GLIPR1L2: variants seen among roughly 807,000 people sequenced by gnomAD.
GLIPR1L2 encodes the protein GLIPR1 like 2.
GLIPR1L2 carries 21 observed loss-of-function variants against 28.4 expected under a neutral mutation model. The observed-to-expected ratio is 0.74, with a 90% CI of 0.52 to 1.06. The LOEUF (loss-of-function observed/expected upper bound fraction) is 1.06, where lower values mean the gene tolerates loss of function less well. GLIPR1L2 is among the 50% of genes least tolerant of loss of function. The probability of loss-of-function intolerance (pLI) is 0.00; values close to 1 mark genes in which losing one functional copy is unlikely to be tolerated. For missense variants in GLIPR1L2, 476 were observed against 416.9 expected, an observed-to-expected ratio of 1.14 and a Z score of -1.23; for synonymous variants, 145 against 139.3, an observed-to-expected ratio of 1.04 and a Z score of -0.29.
At chr12:75,429,083 T>A (rs1407999873) in intron 4 of GLIPR1L2, among the ~76,000 whole-genome samples, 2 of 152,150 alleles carry the variant, frequency 1.3e-5, no homozygotes, top group Non-Finnish European at 2.9e-5. Flanking sequence ...ATAATAGAGC[T>A]GTGAGAAGAG....
chr12:75,429,938 C>CTTTTTTTT lies in GLIPR1L2; in HGVS notation c.671-768_671-761dup, dbSNP rs34354324. Among the ~76,000 whole-genome samples, 255 of 128,614 alleles carry CTTTTTTTT rather than the reference C, an allele frequency of 2.0e-3. 11 individuals carry two copies. Among genetic ancestry groups the CTTTTTTTT allele is most frequent in the Middle Eastern group, 4.0e-3 (1 of 248 alleles). 84.4% of individuals were successfully genotyped at this position (128,614 alleles called of 152,430 possible). On this transcript the variant is annotated intron_variant, in intron 4 of 5. Transcript: ENST00000550916. Reference sequence around the variant, plus strand: ...CCTTTTCTTTTCTTTTCTTTTCTTTCTTTTTTTTTTTTTTTTGAGACAGAG... The same window carrying CTTTTTTTT: ...CCTTTTCTTTTCTTTTCTTTTCTTTCTTTTTTTTTTTTTTTTTTTTTTTTGAGACAGAG...
intron 3 of GLIPR1L2, among the ~76,000 whole-genome samples, chr12:75,414,951 AT>A (rs2045909796): frequency 1.3e-5 from 2 of 152,104 alleles, no homozygotes; most frequent in African/African-American, 4.8e-5. Context: ...AGACAATAAA[AT>A]ATACTGTAAA....
chr12:75,405,578 C>CA (rs1384322037), intron 1 of GLIPR1L2, among the ~76,000 whole-genome samples: 1 of 152,046 alleles, frequency 6.6e-6, no homozygotes, highest in Non-Finnish European at 1.5e-5. Context: ...TACCTAATCA[C>CA]AAAAAACACT....
intron 2 of GLIPR1L2, among the ~76,000 whole-genome samples, chr12:75,410,945 C>A (rs1193604499): frequency 6.6e-6 from 1 of 151,704 alleles, no homozygotes; most frequent in Admixed American, 6.6e-5. Context: ...ATAATGTACA[C>A]TGGAAAAGGA....
intron 1 of GLIPR1L2, among the ~76,000 whole-genome samples, chr12:75,392,006 A>G (rs942486226): frequency 1.3e-5 from 2 of 151,850 alleles, no homozygotes; most frequent in Non-Finnish European, 2.9e-5. Flanking sequence ...TTTACACCCT[A>G]TAGTCATTTA....
chr12:75,402,982 T>G (rs760174844), intron 1 of GLIPR1L2: 2 of 456,836 alleles, frequency 4.4e-6, no homozygotes, highest in South Asian at 3.1e-5. Context: ...CTCCACTTTG[T>G]TAACAAGTGT....
intron 1 of GLIPR1L2, among the ~76,000 whole-genome samples, chr12:75,407,252 A>G (rs1187532937): frequency 6.6e-6 from 1 of 152,120 alleles, no homozygotes; most frequent in Non-Finnish European, 1.5e-5. Flanking sequence ...TAAAGCCTTC[A>G]TTACTGTGTT....
Position 75,431,351 on chromosome 12 carries a change from GAAAC to G in GLIPR1L2, c.*194_*197del. ...AATCAATTTAAATTTGTAAAACAAA[GAAAC>G]AAAAAACATGTAAGGTGGGCTCTTT... On this transcript the variant is annotated 3_prime_UTR_variant, in exon 6 of 6. Coordinates refer to ENST00000550916, the MANE Select transcript of GLIPR1L2 (RefSeq NM_001270396.2). 1 of 465,722 alleles carries G rather than the reference GAAAC, an allele frequency of 2.1e-6. No individual in the cohort carries two copies. Among genetic ancestry groups the G allele is most frequent in the African/African-American group, 2.0e-5 (1 of 50,130 alleles). 28.8% of individuals were successfully genotyped at this position (465,722 alleles called of 1,614,324 possible).
chr12:75,421,438 G>A (rs570296675), intron 3 of GLIPR1L2, among the ~76,000 whole-genome samples: 2 of 152,256 alleles, frequency 1.3e-5, no homozygotes, highest in South Asian at 2.1e-4. Flanking sequence ...TGATACTCAG[G>A]TTTTTGAATA....
intron 1 of GLIPR1L2, among the ~76,000 whole-genome samples, chr12:75,394,418 G>C (rs546630672): frequency 3.3e-5 from 5 of 152,128 alleles, no homozygotes; most frequent in South Asian, 2.1e-4. Context: ...TGTATATTGT[G>C]TAAGGTAAGG....
intron 1 of GLIPR1L2, among the ~76,000 whole-genome samples, chr12:75,401,917 A>G (rs1281022010): frequency 6.6e-6 from 1 of 152,156 alleles, no homozygotes; most frequent in African/African-American, 2.4e-5. Flanking sequence ...AAAAGAAACA[A>G]AGAATGAGAG....
chr12:75,405,335 A>G (rs1189743446), intron 1 of GLIPR1L2, among the ~76,000 whole-genome samples: 1 of 152,202 alleles, frequency 6.6e-6, no homozygotes, highest in Non-Finnish European at 1.5e-5. Flanking sequence ...CGTCATTACA[A>G]GACTGAACAG....
chr12:75,414,427 G>C (rs549153415), intron 3 of GLIPR1L2, among the ~76,000 whole-genome samples: 6 of 152,124 alleles, frequency 3.9e-5, no homozygotes, highest in African/African-American at 1.4e-4. Context: ...TACCAAGATT[G>C]AGAAGGAATT....
chr12:75,409,578 T>TATATATAC (rs561488674), intron 1 of GLIPR1L2, among the ~76,000 whole-genome samples: 1 of 147,032 alleles, frequency 6.8e-6, no homozygotes, highest in Non-Finnish European at 1.5e-5. Flanking sequence ...TATATATATA[T>TATATATAC]ACACACACAC....
At chr12:75,427,686 C>T (rs984512428) in intron 4 of GLIPR1L2, among the ~76,000 whole-genome samples, 3 of 152,122 alleles carry the variant, frequency 2.0e-5, no homozygotes, top group Non-Finnish European at 4.4e-5. Flanking sequence ...GTAATCCCCA[C>T]ATGTTGAGGG....
intron 4 of GLIPR1L2, among the ~76,000 whole-genome samples, chr12:75,425,755 A>G (rs1008374429): frequency 6.6e-6 from 1 of 152,198 alleles, no homozygotes; most frequent in Non-Finnish European, 1.5e-5. Flanking sequence ...GGGGCTAGAG[A>G]CAATGATGGG....
chr12:75,414,664 A>G (rs961651588), intron 3 of GLIPR1L2, among the ~76,000 whole-genome samples: 1 of 152,090 alleles, frequency 6.6e-6, no homozygotes, highest in Non-Finnish European at 1.5e-5. Flanking sequence ...TTTCACTCCT[A>G]CAGACTGGAA....
chr12:75,420,121 G>A (rs1209853214), intron 3 of GLIPR1L2, among the ~76,000 whole-genome samples: 2 of 152,188 alleles, frequency 1.3e-5, no homozygotes, highest in African/African-American at 4.8e-5. Flanking sequence ...TGTTCTGGCT[G>A]TATGAGATGG....
intron 3 of GLIPR1L2, among the ~76,000 whole-genome samples, chr12:75,414,515 G>A (rs1191846811): frequency 6.6e-6 from 1 of 151,932 alleles, no homozygotes; most frequent in Non-Finnish European, 1.5e-5. Flanking sequence ...TATTCCCCTG[G>A]CTAAGAAAAA....
Sources: gnomAD v4.1 joint callset for allele counts (sites outside exome capture counted in the v4.1 genomes callset) on GRCh38, gnomAD v4.1.1 for gene constraint, MANE v1.5 for transcripts, NCBI Gene and HGNC (gene_info 2026-07-23, HGNC 2026-07-21) for gene names.